Variants in SORCS1 observed in about 807,000 individuals in gnomAD.
The protein encoded by SORCS1 is sortilin related VPS10 domain containing receptor 1, also known as VPS10 domain-containing receptor SorCS1.
SORCS1 carries 60 observed loss-of-function variants against 146.1 expected under a neutral mutation model. That is an observed-to-expected ratio of 0.41 (90% confidence interval 0.33 to 0.51). The LOEUF is 0.51. SORCS1 is among the 20% of genes least tolerant of loss of function. The pLI is 0.21. For synonymous variants in SORCS1, 637 were observed against 584.0 expected, an observed-to-expected ratio of 1.09 and a Z score of -1.31; for missense variants, 1,352 against 1,487.6, an observed-to-expected ratio of 0.91 and a Z score of 1.50.
intron 9 of SORCS1, among the ~76,000 whole-genome samples, chr10:106,692,984 CA>C (rs1232157431): frequency 2.0e-5 from 3 of 151,730 alleles, no homozygotes; most frequent in Non-Finnish European, 4.4e-5. Context: ...TTCTAGAATA[CA>C]AAAAAACTGT....
the SORCS1 span, among the ~76,000 whole-genome samples, chr10:107,179,888 C>T: frequency 1.4e-5 from 2 of 140,020 alleles, no homozygotes; most frequent in Non-Finnish European, 1.5e-5. Flanking sequence ...CTTAACAGGG[C>T]CTTTCACAAA....
intron 9 of SORCS1, among the ~76,000 whole-genome samples, chr10:106,690,029 G>A (rs1310607659): frequency 1.3e-5 from 2 of 152,188 alleles, no homozygotes; most frequent in Non-Finnish European, 2.9e-5. Flanking sequence ...TGCATTCTGT[G>A]CAATCAGTAG....
chr10:106,685,371 T>C (rs1852753122), intron 10 of SORCS1, among the ~76,000 whole-genome samples: 1 of 152,100 alleles, frequency 6.6e-6, no homozygotes, highest in African/African-American at 2.4e-5. Context: ...CGTCCCTAGG[T>C]TCATGAAGCC....
intron 1 of SORCS1, among the ~76,000 whole-genome samples, chr10:106,989,290 A>T (rs1956638573): frequency 7.3e-6 from 1 of 137,362 alleles, no homozygotes; most frequent in Non-Finnish European, 1.7e-5. Flanking sequence ...AAAAAAAAAA[A>T]AAAAAAAGAA....
chr10:106,798,648 T>C (rs1946713582), intron 3 of SORCS1, among the ~76,000 whole-genome samples: 1 of 152,226 alleles, frequency 6.6e-6, no homozygotes, highest in South Asian at 2.1e-4. Flanking sequence ...TAGTATTCCA[T>C]GGTGTATATG....
At chr10:106,921,683 T>C (rs1161189075) in intron 2 of SORCS1, among the ~76,000 whole-genome samples, 3 of 152,154 alleles carry the variant, frequency 2.0e-5, no homozygotes, top group Non-Finnish European at 4.4e-5. Flanking sequence ...ATCCACTGCA[T>C]TGCTACCCCT....
At chr10:106,677,211 T>C in intron 13 of SORCS1, 102 bp downstream of exon 13, 1 of 1,122,582 alleles carries the variant, frequency 8.9e-7, no homozygotes, top group Non-Finnish European at 1.3e-6. Flanking sequence ...TGGTAACAGA[T>C]TTACTACAGA....
At chr10:106,786,784 T>A in intron 3 of SORCS1, among the ~76,000 whole-genome samples, 1 of 152,344 alleles carries the variant, frequency 6.6e-6, no homozygotes, top group Non-Finnish European at 1.5e-5. Context: ...GATAAAAAGT[T>A]GTAATTATTA....
chr10:106,988,032 T>C (rs575409253), intron 1 of SORCS1, among the ~76,000 whole-genome samples: 1 of 152,318 alleles, frequency 6.6e-6, no homozygotes, highest in South Asian at 2.1e-4. Context: ...TCTTCCTCTC[T>C]CTCACTATAT....
At chr10:107,147,375 C>T (rs1357752884) in intron 1 of SORCS1, among the ~76,000 whole-genome samples, 1 of 152,172 alleles carries the variant, frequency 6.6e-6, no homozygotes, top group African/African-American at 2.4e-5. Flanking sequence ...ACTAGACAGC[C>T]ATCAGCCCAT....
At chr10:107,148,978 T>A (rs1210986913) in intron 1 of SORCS1, among the ~76,000 whole-genome samples, 1 of 152,208 alleles carries the variant, frequency 6.6e-6, no homozygotes, top group Non-Finnish European at 1.5e-5. Flanking sequence ...AGGCAAAAAT[T>A]TCTAAAGTCA....
At chr10:106,700,364 C>A (rs1854044505) in intron 8 of SORCS1, among the ~76,000 whole-genome samples, 1 of 152,114 alleles carries the variant, frequency 6.6e-6, no homozygotes. Flanking sequence ...TATGCTCTAG[C>A]CTGCATTTTA....
chr10:106,733,782 G>A (rs1334337540), intron 5 of SORCS1, among the ~76,000 whole-genome samples: 2 of 152,158 alleles, frequency 1.3e-5, no homozygotes, highest in South Asian at 2.1e-4. Flanking sequence ...ATCCAAAGAC[G>A]TTGGTAAATC....
chr10:107,176,079 A>G, the SORCS1 span, among the ~76,000 whole-genome samples: 2 of 152,188 alleles, frequency 1.3e-5, no homozygotes, highest in South Asian at 2.1e-4. Context: ...TTCCCCTATA[A>G]TCACTGCTTT....
At chr10:106,819,834 C>G (rs540801515) in intron 3 of SORCS1, among the ~76,000 whole-genome samples, 58 of 152,302 alleles carry the variant, frequency 3.8e-4, no homozygotes, top group Middle Eastern at 3.4e-3. Flanking sequence ...GGTAAATTAG[C>G]TCTCCTCTCT....
At chr10:106,906,775 C>T (rs2138155643) in intron 2 of SORCS1, among the ~76,000 whole-genome samples, 1 of 152,208 alleles carries the variant, frequency 6.6e-6, no homozygotes, top group East Asian at 1.9e-4. Flanking sequence ...AGATACAAAC[C>T]TGAGAATCCA....
At chr10:106,909,418 A>T (rs1235718608) in intron 2 of SORCS1, among the ~76,000 whole-genome samples, 4 of 152,198 alleles carry the variant, frequency 2.6e-5, no homozygotes, top group Admixed American at 2.6e-4. Context: ...ATACTCAGGA[A>T]TAGAAATTGA....
Position 106,866,666 on chromosome 10 carries a change from A to G in SORCS1, c.627-36993T>C, listed in dbSNP as rs1001408875. On this transcript the variant is annotated intron_variant, in intron 2 of 25. Coordinates refer to ENST00000263054, the MANE Select transcript of SORCS1 (RefSeq NM_052918.5). ...GAGAGGAAACATGGGGAAGCCACAC[A>G]ACCGAGCAAGGATCTACCAACTGAC... Among the ~76,000 whole-genome samples, 3 of 152,282 alleles carry G rather than the reference A, an allele frequency of 2.0e-5. No homozygotes were observed. In the East Asian group the frequency reaches 5.8e-4, roughly 29 times the overall value.
intron 2 of SORCS1, among the ~76,000 whole-genome samples, chr10:106,859,161 A>G (rs1395504778): frequency 2.0e-5 from 3 of 152,276 alleles, no homozygotes; most frequent in African/African-American, 4.8e-5. Context: ...TCTACTCCAC[A>G]GTTTTCTTCC....
Sources: allele counts gnomAD v4.1 joint callset (sites outside exome capture counted in the v4.1 genomes callset), GRCh38; gene constraint gnomAD v4.1.1; transcripts MANE v1.5; gene names NCBI Gene and HGNC (gene_info 2026-07-23, HGNC 2026-07-21).